Variants in PTPN14 observed in about 807,000 individuals in gnomAD.
PTPN14 encodes the protein tyrosine-protein phosphatase non-receptor type 14.
Under a neutral mutation model 126.8 loss-of-function variants are expected in PTPN14, and 53 were observed. The observed-to-expected ratio is 0.42, with a 90% CI of 0.34 to 0.53. The LOEUF (loss-of-function observed/expected upper bound fraction) is 0.53. Among genes scored for constraint, PTPN14 ranks in the 20% least tolerant of loss-of-function variants. The pLI is 0.08. For missense variants in PTPN14, 1,257 were observed against 1,552.9 expected, an observed-to-expected ratio of 0.81 and a Z score of 3.20; for synonymous variants, 630 against 599.3, an observed-to-expected ratio of 1.05 and a Z score of -0.75.
At chr1:214,494,674 A>G (rs569861888) in intron 1 of PTPN14, among the ~76,000 whole-genome samples, 1 of 152,334 alleles carries the variant, frequency 6.6e-6, no homozygotes, top group Admixed American at 6.5e-5. Flanking sequence ...GAAGCTTTAC[A>G]TGAACAAAGC....
intron 3 of PTPN14, among the ~76,000 whole-genome samples, chr1:214,425,501 G>A (rs1232582528): frequency 6.6e-6 from 1 of 152,126 alleles, no homozygotes; most frequent in African/African-American, 2.4e-5. Flanking sequence ...CTCCTTTGCT[G>A]TTTTATAAGA....
At chr1:214,405,194 T>G (rs1659132698) in intron 5 of PTPN14, among the ~76,000 whole-genome samples, 1 of 152,150 alleles carries the variant, frequency 6.6e-6, no homozygotes, top group Admixed American at 6.5e-5. Context: ...CAGCTACCAC[T>G]TCCCTCAATA....
chr1:214,535,592 A>G (rs1331111856), intron 1 of PTPN14, among the ~76,000 whole-genome samples: 4 of 152,172 alleles, frequency 2.6e-5, no homozygotes, highest in African/African-American at 4.8e-5. Flanking sequence ...AGCCTGGCCA[A>G]TATAGTGAAA....
rs763737003 is a variant in PTPN14 at position 214,394,965 on chromosome 1, G to A, written c.780C>T (p.Ile260=). The change falls in exon 9 of 19, where the codon ATC becomes ATT. Residue 260 remains isoleucine, a synonymous_variant. Coordinates refer to ENST00000366956, the MANE Select transcript of PTPN14 (RefSeq NM_005401.5). ...VIYRWNDMGN[I]THNKSTILVE... is the part of the protein sequence containing the mutation. ...CTAGAATGGTCGACTTGTTATGAGTGATATTCCCCATGTCATTCCACCTGG... is the reference window on the plus strand; with the variant it reads ...CTAGAATGGTCGACTTGTTATGAGTAATATTCCCCATGTCATTCCACCTGG... The A allele has an allele frequency of 6.8e-6, 11 of 1,613,076 alleles. No homozygotes were observed. The highest frequency in any genetic ancestry group is 5.0e-5 in the Admixed American group (3 of 60,004).
Position 214,464,747 on chromosome 1 carries a change from G to C in PTPN14, c.57C>G (p.Asn19Lys). 6.2e-7 allele frequency: 1 copy of C among 1,614,288 alleles called. No homozygotes were observed. The change falls in exon 2 of 19, where the codon AAC becomes AAG. Residue 19 changes from asparagine (N) to lysine (K), a missense_variant. This residue lies in a region of PTPN14 where 1,021 missense variants were observed against 1,183.3 expected (regional missense o/e 0.86). Transcript: ENST00000366956. ...GCAGGCGAATCCGTGTGACAAAGCA[G>C]TTCTTGCTCAGGACGTTGTAGCGCC... is the stretch of plus-strand genomic sequence containing the variant. ...RTRRYNVLSK[N>K]CFVTRIRLLD...
Position 214,352,777 on chromosome 1 carries a change from T to C in PTPN14, c.*5145A>G, listed in dbSNP as rs1351411317. 1 of 152,200 alleles carries C rather than the reference T, an allele frequency of 6.6e-6. No homozygotes were observed. Among genetic ancestry groups the C allele is most frequent in the Admixed American group, 6.5e-5 (1 of 15,282 alleles). 9.4% of individuals were successfully genotyped at this position (152,200 alleles called of 1,614,324 possible). On this transcript the variant is annotated 3_prime_UTR_variant, in exon 19 of 19. Transcript: ENST00000366956. ...CCCAAATTTCTCCATTTGGAAACCA[T>C]GCTGGATGAGCTGTTGCTCTGCTCA...
intron 1 of PTPN14, among the ~76,000 whole-genome samples, chr1:214,514,910 C>T (rs111997505): frequency 0.019 from 2,941 of 152,258 alleles, 107 homozygotes; most frequent in African/African-American, 0.067. Flanking sequence ...CTGGAGGCAT[C>T]GGTACAAGTC....
At chr1:214,369,324 A>AC in intron 17 of PTPN14, 133 bp downstream of exon 17, 1 of 758,194 alleles carries the variant, frequency 1.3e-6, no homozygotes, top group South Asian at 1.8e-5. Context: ...AAAGGAATAT[A>AC]TATTTCAATA....
intron 10 of PTPN14, among the ~76,000 whole-genome samples, chr1:214,392,590 TA>T (rs1414486677): frequency 6.6e-6 from 1 of 152,154 alleles, no homozygotes; most frequent in East Asian, 1.9e-4. Flanking sequence ...AGAAGTGACC[TA>T]TCAGGAACCT....
chr1:214,372,962 T>C (rs2102522661), intron 15 of PTPN14, 123 bp from the exon 16 acceptor site: 1 of 1,357,510 alleles, frequency 7.4e-7, no homozygotes. Flanking sequence ...AATGAATTAG[T>C]TCAATGAACA....
intron 3 of PTPN14, among the ~76,000 whole-genome samples, chr1:214,427,045 C>G (rs948641257): frequency 2.0e-5 from 3 of 152,080 alleles, no homozygotes; most frequent in Non-Finnish European, 2.9e-5. Flanking sequence ...CTTTGTGGGG[C>G]CGAGGCGGGC....
chr1:214,531,866 CCATATGG>C, intron 1 of PTPN14: 1 of 152,326 alleles, frequency 6.6e-6, no homozygotes, highest in Non-Finnish European at 1.5e-5. Flanking sequence ...TGTATGTAAA[CCATATGG>C]CAATAGGCAA....
At chr1:214,471,251 G>GA (rs1660752670) in intron 1 of PTPN14, among the ~76,000 whole-genome samples, 2 of 151,998 alleles carry the variant, frequency 1.3e-5, no homozygotes, top group South Asian at 4.2e-4. Context: ...TAAAGAAAGG[G>GA]AAAAATACTC....
intron 5 of PTPN14, among the ~76,000 whole-genome samples, chr1:214,410,029 C>T (rs1169671042): frequency 6.6e-6 from 1 of 151,946 alleles, no homozygotes; most frequent in Non-Finnish European, 1.5e-5. Context: ...AGTTTGAGTT[C>T]CTTATATATT....
intron 3 of PTPN14, among the ~76,000 whole-genome samples, chr1:214,439,762 G>A (rs372902631): frequency 4.6e-4 from 70 of 152,264 alleles, no homozygotes; most frequent in African/African-American, 1.5e-3. Flanking sequence ...TACTTGCAAT[G>A]TCTCAATTTT....
chr1:214,549,391 C>G (rs901856452), intron 1 of PTPN14, among the ~76,000 whole-genome samples: 2 of 152,172 alleles, frequency 1.3e-5, no homozygotes, highest in African/African-American at 2.4e-5. Context: ...GACTTTAGCA[C>G]AACTGTGCTA....
At chr1:214,493,178 G>A (rs1661288395) in intron 1 of PTPN14, among the ~76,000 whole-genome samples, 1 of 152,158 alleles carries the variant, frequency 6.6e-6, no homozygotes, top group Admixed American at 6.5e-5. Flanking sequence ...GCCTCAGAAC[G>A]GACTGCCTAC....
chr1:214,452,398 T>G (rs1304267749), intron 2 of PTPN14, among the ~76,000 whole-genome samples: 1 of 152,234 alleles, frequency 6.6e-6, no homozygotes, highest in East Asian at 1.9e-4. Context: ...ATTACTCAAT[T>G]CCTAAGACAA....
intron 3 of PTPN14, among the ~76,000 whole-genome samples, chr1:214,431,710 T>G (rs1303834243): frequency 6.6e-6 from 1 of 152,204 alleles, no homozygotes; most frequent in Non-Finnish European, 1.5e-5. Flanking sequence ...GTACTCAAAC[T>G]GTGCGGGCAA....
Sources: allele counts gnomAD v4.1 joint callset (sites outside exome capture counted in the v4.1 genomes callset), GRCh38; gene constraint gnomAD v4.1.1; regional missense constraint gnomAD v4.1.1; transcripts MANE v1.5; gene names NCBI Gene and HGNC (gene_info 2026-07-23, HGNC 2026-07-21).